ALCAM: variants seen among roughly 807,000 people sequenced by gnomAD.
ALCAM encodes CD166 antigen.
ALCAM carries 30 observed loss-of-function variants against 70.9 expected under a neutral mutation model. That is an observed-to-expected ratio of 0.42 (90% confidence interval 0.32 to 0.57). The LOEUF is 0.57. Among genes scored for constraint, ALCAM ranks in the 20% least tolerant of loss-of-function variants. The pLI is 0.11. For synonymous variants in ALCAM, 249 were observed against 242.5 expected (o/e 1.03, Z -0.25); for missense variants, 591 against 695.1 (o/e 0.85, Z 1.68).
intron 1 of ALCAM, among the ~76,000 whole-genome samples, chr3:105,412,857 G>T (rs188959725): frequency 6.6e-6 from 1 of 152,066 alleles, no homozygotes; most frequent in Non-Finnish European, 1.5e-5. Context: ...ACTGATGGGT[G>T]TGTTAATAGG....
chr3:105,533,592 T>G lies in ALCAM; in HGVS notation c.460-11T>G. 2 of 1,608,998 alleles carry G rather than the reference T, an allele frequency of 1.2e-6. No homozygotes were observed. The highest frequency in any genetic ancestry group is 1.7e-6 in the Non-Finnish European group (2 of 1,176,448). ...GAACCAAGGTAATAACATTGCCTTTTTATTTTGCAGTTGGGTGACTGCATT... is the reference window on the plus strand; with the variant it reads ...GAACCAAGGTAATAACATTGCCTTTGTATTTTGCAGTTGGGTGACTGCATT... On this transcript the variant is annotated splice_polypyrimidine_tract_variant and intron_variant, in intron 4 of 15. Transcript: ENST00000306107.
intron 1 of ALCAM, among the ~76,000 whole-genome samples, chr3:105,438,927 GA>G (rs898641370): frequency 2.6e-5 from 4 of 152,094 alleles, no homozygotes; most frequent in Non-Finnish European, 5.9e-5. Flanking sequence ...GAGAGGGAAG[GA>G]AGAAAGAAGG....
intron 11 of ALCAM, among the ~76,000 whole-genome samples, chr3:105,547,763 A>C (rs1205870447): frequency 6.6e-6 from 1 of 151,556 alleles, no homozygotes; most frequent in Middle Eastern, 3.4e-3. Context: ...GAAGGGAAGA[A>C]CCATTGTGTC....
chr3:105,404,682 A>T (rs1429100431), intron 1 of ALCAM, among the ~76,000 whole-genome samples: 2 of 151,658 alleles, frequency 1.3e-5, no homozygotes, highest in Non-Finnish European at 2.9e-5. Flanking sequence ...AATGAAAAAA[A>T]AAACAAGGTA....
chr3:105,518,568 G>T (rs1939442595), intron 1 of ALCAM, among the ~76,000 whole-genome samples: 2 of 151,872 alleles, frequency 1.3e-5, no homozygotes, highest in East Asian at 3.9e-4. Flanking sequence ...TTTTAACAAA[G>T]TTGAATAAAA....
rs1270061658 is a variant in ALCAM at position 105,445,833 on chromosome 3, T to C, written c.74-74234T>C. 2.0e-5 allele frequency among the ~76,000 whole-genome samples: 3 copies of C among 152,132 alleles called. No homozygotes were observed. In the East Asian group the frequency reaches 5.8e-4, roughly 29 times the overall value. The stretch of plus-strand genomic sequence containing the variant: ...CACCATGTACAAAATCAATTCAAAA[T>C]TGATTAAAGGCTGAAATGTAAGATC... On this transcript the variant is annotated intron_variant, in intron 1 of 15. Coordinates refer to ENST00000306107, the MANE Select transcript of ALCAM (RefSeq NM_001627.4).
intron 1 of ALCAM, among the ~76,000 whole-genome samples, chr3:105,382,779 A>T (rs544670893): frequency 8.6e-5 from 13 of 151,628 alleles, no homozygotes; most frequent in African/African-American, 3.2e-4. Context: ...CCACTTTTTG[A>T]TGGGGTTGTT....
chr3:105,410,888 C>T (rs1936371414), intron 1 of ALCAM, among the ~76,000 whole-genome samples: 1 of 152,018 alleles, frequency 6.6e-6, no homozygotes, highest in Non-Finnish European at 1.5e-5. Context: ...CACCCTTTGA[C>T]ATCAACTTAC....
intron 1 of ALCAM, among the ~76,000 whole-genome samples, chr3:105,427,699 A>T (rs966630030): frequency 6.6e-6 from 1 of 151,812 alleles, no homozygotes; most frequent in Non-Finnish European, 1.5e-5. Context: ...TTGTAGGTAG[A>T]GTTTGGGTGT....
At chr3:105,410,692 C>A (rs1455526234) in intron 1 of ALCAM, among the ~76,000 whole-genome samples, 1 of 151,944 alleles carries the variant, frequency 6.6e-6, no homozygotes, top group Non-Finnish European at 1.5e-5. Context: ...TAACAGCAGG[C>A]TAGCAACTCA....
Position 105,552,694 on chromosome 3 carries a change from A to C in ALCAM, c.1664+109A>C, listed in dbSNP as rs1036853446. The C allele has an allele frequency of 5.7e-6, 9 of 1,565,248 alleles. No homozygotes were observed. In the African/African-American group the frequency reaches 1.1e-4, roughly 19 times the overall value. On this transcript the variant is annotated intron_variant, in intron 14 of 15. Coordinates refer to ENST00000306107, the MANE Select transcript of ALCAM (RefSeq NM_001627.4). Reference sequence around the variant, plus strand: ...GTGCATATAATTTATACAATAAGGAAGATGTATCCCCAAATCAGGTTGATT... The same window carrying C: ...GTGCATATAATTTATACAATAAGGACGATGTATCCCCAAATCAGGTTGATT...
Position 105,403,525 on chromosome 3 carries a change from G to A in ALCAM, c.73+36044G>A, listed in dbSNP as rs148615828. On this transcript the variant is annotated intron_variant, in intron 1 of 15. Transcript: ENST00000306107. ...GGCTCTCAGGAAGCCCCACTCCTAG[G>A]AGAAGGGGGAGAACACCACATCAAG... 4.6e-5 allele frequency among the ~76,000 whole-genome samples: 7 copies of A among 152,210 alleles called. No individual in the cohort carries two copies. In the East Asian group the frequency reaches 1.2e-3, roughly 25 times the overall value.
chr3:105,560,644 T>C (rs1213320362), intron 14 of ALCAM, among the ~76,000 whole-genome samples: 1 of 152,182 alleles, frequency 6.6e-6, no homozygotes, highest in Non-Finnish European at 1.5e-5. Flanking sequence ...CTATGTTATC[T>C]CCTAGAAACT....
At chr3:105,458,760 C>G (rs1937566013) in intron 1 of ALCAM, among the ~76,000 whole-genome samples, 1 of 152,178 alleles carries the variant, frequency 6.6e-6, no homozygotes, top group African/African-American at 2.4e-5. Context: ...TCCAGTTACT[C>G]AACAAGCTAC....
At chr3:105,506,908 C>T (rs1313803451) in intron 1 of ALCAM, among the ~76,000 whole-genome samples, 1 of 152,170 alleles carries the variant, frequency 6.6e-6, no homozygotes, top group Non-Finnish European at 1.5e-5. Flanking sequence ...TCAGCACCTG[C>T]TGAAATCTGC....
At chr3:105,395,353 G>GT (rs1301164449) in intron 1 of ALCAM, among the ~76,000 whole-genome samples, 1 of 151,892 alleles carries the variant, frequency 6.6e-6, no homozygotes, top group Non-Finnish European at 1.5e-5. Flanking sequence ...AGATTCAAGA[G>GT]TTTTTTGTCC....
At chr3:105,435,956 G>A (rs59857604) in intron 1 of ALCAM, among the ~76,000 whole-genome samples, 17,720 of 152,092 alleles carry the variant, frequency 0.12, 1,240 homozygotes, top group African/African-American at 0.2. Context: ...TACATAGCTG[G>A]GCAAGTCTCA....
chr3:105,432,482 ATCC>A (rs146437989), intron 1 of ALCAM, among the ~76,000 whole-genome samples: 2,333 of 152,152 alleles, frequency 0.015, 24 homozygotes, highest in Middle Eastern at 0.048. Context: ...TGAGCTTCAG[ATCC>A]TCCAGGAAGC....
At chr3:105,507,194 G>A (rs2152618442) in intron 1 of ALCAM, among the ~76,000 whole-genome samples, 1 of 151,390 alleles carries the variant, frequency 6.6e-6, no homozygotes. Context: ...CCACCCCCTT[G>A]CCCCTAGTTT....
Sources: gnomAD v4.1 joint callset for allele counts (sites outside exome capture counted in the v4.1 genomes callset) on GRCh38, gnomAD v4.1.1 for gene constraint, MANE v1.5 for transcripts, NCBI Gene and HGNC (gene_info 2026-07-23, HGNC 2026-07-21) for gene names.